BRMS1: variants seen among roughly 807,000 people sequenced by gnomAD.
BRMS1 encodes breast cancer metastasis-suppressor 1.
In BRMS1, 26 loss-of-function variants were observed where a neutral mutation model predicts 40.4. The ratio of observed to expected loss-of-function variants is 0.64; its 90% CI spans 0.47 to 0.89. BRMS1 has a LOEUF of 0.89. Ranked by LOEUF, BRMS1 falls within the 40% of genes least tolerant of loss-of-function variation. The pLI, the probability that BRMS1 is intolerant of heterozygous loss-of-function variation, is 0.00. For missense variants in BRMS1, 289 were observed against 309.4 expected, an observed-to-expected ratio of 0.93 and a Z score of 0.49; for synonymous variants, 103 against 116.0, an observed-to-expected ratio of 0.89 and a Z score of 0.72.
At position 66,338,256 on chromosome 11, in the gene BRMS1, C is replaced by T; in HGVS notation, c.720G>A (p.Lys240=). The T allele has an allele frequency of 6.2e-7, 1 of 1,611,636 alleles. No individual in the cohort carries two copies. Among genetic ancestry groups the T allele is most frequent in the South Asian group, 1.1e-5 (1 of 90,374 alleles). The change falls in exon 9 of 10, where the codon AAG becomes AAA. Residue 240 remains lysine, a synonymous_variant. Coordinates refer to ENST00000359957, the MANE Select transcript of BRMS1 (RefSeq NM_015399.4). ...CATGGTTCTTACCATCCGATTTTCT[C>T]TTCTGAGGGGACACAGCTGCCCTAG... The part of the protein sequence containing the change: ...KKARAAVSPQ[K]RKSDGP
intron 9 of BRMS1, 50 bp downstream of exon 9, chr11:66,338,193 A>C (rs1854974498): frequency 1.9e-6 from 3 of 1,600,390 alleles, no homozygotes; most frequent in East Asian, 2.2e-5. Flanking sequence ...AGCTGAGGAA[A>C]GGTGATGGCA....
chr11:66,341,810 G>A lies in BRMS1; in HGVS notation c.140-187C>T. ...GTGTGCTTGTGTGTAGGGGCTGTGT[G>A]TGCATATGCGTGCGTGCTTGTGTGA... On this transcript the variant is annotated intron_variant, in intron 2 of 9. Coordinates refer to ENST00000359957, the MANE Select transcript of BRMS1 (RefSeq NM_015399.4). The surrounding 1 kb of genome is among the most constrained non-coding windows in gnomAD (Gnocchi z 4.9). 1.5e-6 allele frequency: 1 copy of A among 680,750 alleles called. No individual in the cohort carries two copies. The allele number at this position is 680,750 out of a possible 1,614,324, so 42.2% of individuals were successfully genotyped here.
chr11:66,339,809 C>T (rs1855025018), intron 7 of BRMS1: 1 of 277,292 alleles, frequency 3.6e-6, no homozygotes, highest in Non-Finnish European at 7.0e-6. Context: ...GTTGCCCAAG[C>T]TGGTCTCGAA....
Position 66,342,089 on chromosome 11 carries a change from G to T in BRMS1, c.139+7C>A, listed in dbSNP as rs781746740. ...GTGTGTGTGTGTCTGTGTGTGTAGG[G>T]GCTCACCGGAGCTCTCCTCTTCTGA... On this transcript the variant is annotated splice_region_variant and intron_variant, in intron 2 of 9. Coordinates refer to ENST00000359957, the MANE Select transcript of BRMS1 (RefSeq NM_015399.4). The T allele has an allele frequency of 1.2e-6, 2 of 1,604,072 alleles. No individual in the cohort carries two copies. Among genetic ancestry groups the T allele is most frequent in the Non-Finnish European group, 1.7e-6 (2 of 1,176,374 alleles).
intron 6 of BRMS1, 40 bp from the exon 7 acceptor site, chr11:66,340,253 AC>A (rs1565205792): frequency 6.4e-7 from 1 of 1,559,038 alleles, no homozygotes; most frequent in Non-Finnish European, 8.8e-7. Context: ...GTGCTGGCCC[AC>A]AGGATACTCC....
chr11:66,344,338 G>A (rs1025868612), intron 1 of BRMS1, among the ~76,000 whole-genome samples: 4 of 152,126 alleles, frequency 2.6e-5, no homozygotes, highest in Admixed American at 2.0e-4. Context: ...AGTAAGCCTG[G>A]CCTAGGTGAG....
At chr11:66,340,358 G>C in intron 6 of BRMS1, 145 bp from the exon 7 acceptor site, 3 of 653,274 alleles carry the variant, frequency 4.6e-6, no homozygotes, top group East Asian at 2.7e-5. Context: ...GCCCCTTAGG[G>C]CTGTTCAGGT....
Position 66,340,669 on chromosome 11 carries a change from G to C in BRMS1, c.535+105C>G, listed in dbSNP as rs560897571. On this transcript the variant is annotated intron_variant, in intron 6 of 9. Coordinates refer to ENST00000359957, the MANE Select transcript of BRMS1 (RefSeq NM_015399.4). ...GCCCTCACACTGACCCCAACAGGCA[G>C]GTCCTCTGGCTGTCCCCTTGACTTC... The C allele has an allele frequency of 3.5e-5, 33 of 953,596 alleles. No individual in the cohort carries two copies. The South Asian group carries it at 4.9e-4, about 14-fold the overall frequency. 59.1% of individuals were successfully genotyped at this position (953,596 alleles called of 1,614,324 possible). A position where few individuals can be genotyped will look rare whatever the true frequency, so the allele number is the denominator to read the frequency against.
At chr11:66,340,724 C>A in intron 6 of BRMS1, 50 bp downstream of exon 6, 1 of 1,492,230 alleles carries the variant, frequency 6.7e-7, no homozygotes, top group Non-Finnish European at 9.2e-7. Flanking sequence ...GAGGGGTGGG[C>A]GTGGACTGAG....
intron 6 of BRMS1, 106 bp downstream of exon 6, chr11:66,340,668 A>T (rs893054806): frequency 2.1e-6 from 2 of 932,678 alleles, no homozygotes; most frequent in African/African-American, 3.3e-5. Context: ...CCCAACAGGC[A>T]GGTCCTCTGG....
At position 66,338,803 on chromosome 11, in the gene BRMS1, G is replaced by A; in HGVS notation, c.629-18C>T. 6.6e-7 allele frequency: 1 copy of A among 1,525,942 alleles called. No homozygotes were observed. The highest frequency in any genetic ancestry group is 8.8e-7 in the Non-Finnish European group (1 of 1,135,424). The allele number at this position is 1,525,942 out of a possible 1,614,324, so 94.5% of individuals were successfully genotyped here. On this transcript the variant is annotated intron_variant, in intron 7 of 9. Transcript: ENST00000359957. Reference sequence around the variant, plus strand: ...GTATGGGCCTGTGGTGGGGGTCAAGGAAGCCTAGTGGAGGTGGCAGGTGAC... The same window carrying A: ...GTATGGGCCTGTGGTGGGGGTCAAGAAAGCCTAGTGGAGGTGGCAGGTGAC...
At chr11:66,339,828 C>A in intron 7 of BRMS1, 1 of 316,080 alleles carries the variant, frequency 3.2e-6, no homozygotes, top group Non-Finnish European at 6.0e-6. Context: ...AAAAGAACTC[C>A]TGGGCCCGAG....
At position 66,337,698 on chromosome 11, in the gene BRMS1, CGAGGAGGGCA is replaced by C; in HGVS notation, c.*174_*183del. 6.3e-7 allele frequency: 1 copy of C among 1,595,772 alleles called. No homozygotes were observed. The highest frequency in any genetic ancestry group is 8.5e-7 in the Non-Finnish European group (1 of 1,172,028). On this transcript the variant is annotated 3_prime_UTR_variant, in exon 10 of 10. Transcript: ENST00000359957. ...TCCACGGCCACAGCTGTGCAGGCCT[CGAGGAGGGCA>C]GAGGAGGAGTCCAGGCCAGTGCCAG...
chr11:66,337,362 G>A lies in BRMS1; in HGVS notation c.*520C>T. ...AGTCCCAGGAAAGGTTTTAATTCCAGTCCTTGGAATCTGAGAAGCAGACAC... is the reference window on the plus strand; with the variant it reads ...AGTCCCAGGAAAGGTTTTAATTCCAATCCTTGGAATCTGAGAAGCAGACAC... On this transcript the variant is annotated 3_prime_UTR_variant, in exon 10 of 10. Transcript: ENST00000359957. The A allele has an allele frequency of 2.7e-6, 1 of 364,090 alleles. No homozygotes were observed. The highest frequency in any genetic ancestry group is 5.1e-6 in the Non-Finnish European group (1 of 197,196). The allele number at this position is 364,090 out of a possible 1,614,324, so 22.6% of individuals were successfully genotyped here. A position where few individuals can be genotyped will look rare whatever the true frequency, so the allele number is the denominator to read the frequency against.
In BRMS1 at chr11:66,341,885, C is replaced by T. The variant is rs1167827858; in HGVS notation, c.139+211G>A. ...TGTGAAGGGGCTGTGTGTGTGCATA[C>T]GTGCTTGTGTGTAGGGGCTGTGTGT... On this transcript the variant is annotated intron_variant, in intron 2 of 9. Transcript: ENST00000359957. The surrounding 1 kb of genome is among the most constrained non-coding windows in gnomAD (Gnocchi z 4.9). 17 of 622,258 alleles carry T rather than the reference C, an allele frequency of 2.7e-5. No homozygotes were observed. Among genetic ancestry groups the T allele is most frequent in the Admixed American group, 7.5e-5 (3 of 40,122 alleles). The allele number at this position is 622,258 out of a possible 1,614,324, so 38.5% of individuals were successfully genotyped here.
Position 66,338,752 on chromosome 11 carries a change from T to C in BRMS1, c.662A>G (p.Asp221Gly). Residue 221 changes from aspartate (D) to glycine (G), a missense_variant, in exon 8 of 10, where the codon GAC becomes GGC. Asp to Gly is a moderately conservative substitution (Grantham distance 94, BLOSUM62 -1). Transcript: ENST00000359957. ...PYIVYMLQEI[D>G]ILEDWTAIKK... is the part of the protein sequence containing the mutation. ...GATGGCTGTCCAGTCCTCCAGGATG[T>C]CGATCTCTTGAAGCATGTACACGAT... 1 of 1,592,310 alleles carries C rather than the reference T, an allele frequency of 6.3e-7. No individual in the cohort carries two copies. Among genetic ancestry groups the C allele is most frequent in the South Asian group, 1.1e-5 (1 of 88,520 alleles).
intron 7 of BRMS1, chr11:66,339,821 A>T: frequency 3.4e-6 from 1 of 295,754 alleles, no homozygotes; most frequent in Non-Finnish European, 6.4e-6. Flanking sequence ...GGTCTCGAAA[A>T]GAACTCCTGG....
At chr11:66,338,594 G>C (rs771048055) in intron 8 of BRMS1, 127 bp downstream of exon 8, 45 of 1,570,100 alleles carry the variant, frequency 2.9e-5, no homozygotes, top group Non-Finnish European at 3.4e-5. Flanking sequence ...TGCGATCCAG[G>C]GACTCTGGGC....
At chr11:66,338,174 T>C in intron 9 of BRMS1, 69 bp downstream of exon 9, 2 of 1,581,560 alleles carry the variant, frequency 1.3e-6, no homozygotes, top group Non-Finnish European at 1.7e-6. Flanking sequence ...GGCTCCTTCC[T>C]GGAAGCTGAG....
Sources: gnomAD v4.1 joint callset for allele counts (sites outside exome capture counted in the v4.1 genomes callset) on GRCh38, gnomAD v4.1.1 for gene constraint, Gnocchi (gnomAD v3.1) non-coding constraint, MANE v1.5 for transcripts, NCBI Gene and HGNC (gene_info 2026-07-23, HGNC 2026-07-21) for gene names.